The following PUDP variants were observed in gnomAD, a reference collection of about 807,000 sequenced individuals.
PUDP encodes the protein pseudouridine-5'-phosphatase.
Under a neutral mutation model 9.4 loss-of-function variants are expected in PUDP, and 8 were observed. That is an observed-to-expected ratio of 0.85 (90% CI 0.50 to 1.53). The LOEUF (loss-of-function observed/expected upper bound fraction) is 1.53. Ranked by LOEUF, PUDP falls within the 40% of genes most tolerant of loss-of-function variation. The pLI is 0.00. For missense variants in PUDP, 188 were observed against 189.7 expected, an observed-to-expected ratio of 0.99 and a Z score of 0.05; for synonymous variants, 99 against 80.7, an observed-to-expected ratio of 1.23 and a Z score of -1.22.
chrX:6,920,657 T>A (rs1928007943), intron 3 of PUDP, among the ~76,000 whole-genome samples: 1 of 111,466 alleles, frequency 9.0e-6, no homozygotes, highest in Non-Finnish European at 1.9e-5. Flanking sequence ...AGCCCCCCTC[T>A]CTGCTTCAAG....
At chrX:6,831,184 G>A (rs1926499058) in intron 3 of PUDP, among the ~76,000 whole-genome samples, 1 of 111,980 alleles carries the variant, frequency 8.9e-6, no homozygotes, top group Non-Finnish European at 1.9e-5. Context: ...GATCTATCAA[G>A]TGCAGGGTCT....
In PUDP at chrX:6,733,602, A is replaced by T. The variant is rs1016957309; in HGVS notation, c.*248-27136T>A. Among the ~76,000 whole-genome samples, 3 of 109,227 alleles carry T rather than the reference A, an allele frequency of 2.7e-5. No homozygotes were observed. In the Admixed American group the frequency reaches 3.0e-4, roughly 11 times the overall value. 94.9% of individuals were successfully genotyped at this position (109,227 alleles called of 115,157 possible). On this transcript the variant is annotated intron_variant and NMD_transcript_variant, in intron 3 of 3. Coordinates refer to the PUDP transcript ENST00000655425. The stretch of plus-strand genomic sequence containing the variant: ...TGGTATGGGGGAGGCTTCTGCAGGA[A>T]TCCAGAGAGAGATGGTCCATAGCGG...
chrX:7,069,671 G>T (rs151146385), intron 3 of PUDP, among the ~76,000 whole-genome samples: 1,253 of 110,794 alleles, frequency 0.011, 26 homozygotes, highest in African/African-American at 0.039. Flanking sequence ...GAAGGCTTCT[G>T]CACTCCCTTC....
chrX:6,754,808 C>T (rs1368927198), intron 3 of PUDP, among the ~76,000 whole-genome samples: 1 of 110,973 alleles, frequency 9.0e-6, no homozygotes, highest in African/African-American at 3.3e-5. Context: ...AGGGTGTGTT[C>T]ACAGTCATTT....
chrX:7,020,316 C>T (rs1343798724), intron 1 of PUDP, among the ~76,000 whole-genome samples: 1 of 85,228 alleles, frequency 1.2e-5, no homozygotes, highest in African/African-American at 4.4e-5. Flanking sequence ...CATGCTGGGT[C>T]TCCACTCAAC....
intron 3 of PUDP, among the ~76,000 whole-genome samples, chrX:6,959,998 T>C (rs1221493106): frequency 6.2e-5 from 7 of 112,618 alleles, no homozygotes; most frequent in Non-Finnish European, 1.3e-4. Context: ...GGAAAGTAGA[T>C]ATCTTGTTTG....
intron 3 of PUDP, among the ~76,000 whole-genome samples, chrX:6,858,318 C>T (rs759106633): frequency 3.5e-4 from 32 of 92,112 alleles, no homozygotes; most frequent in Admixed American, 3.0e-3. Flanking sequence ...TTTTTTTTTT[C>T]TTTCTTTTTT....
intron 1 of PUDP, among the ~76,000 whole-genome samples, chrX:6,995,301 T>G (rs1244838921): frequency 9.0e-6 from 1 of 111,551 alleles, no homozygotes; most frequent in Non-Finnish European, 1.9e-5. Flanking sequence ...TGAACCTAGG[T>G]ATGACAAGTA....
intron 3 of PUDP, among the ~76,000 whole-genome samples, chrX:6,976,793 G>T (rs1202594324): frequency 8.9e-6 from 1 of 112,002 alleles, no homozygotes; most frequent in African/African-American, 3.2e-5. Context: ...GTCATTTGGA[G>T]ACTTCAACCC....
chrX:7,104,633 T>C (rs1264990731), intron 2 of PUDP, among the ~76,000 whole-genome samples: 1 of 111,860 alleles, frequency 8.9e-6, no homozygotes, highest in Non-Finnish European at 1.9e-5. Flanking sequence ...GGTAACTTCA[T>C]GTGCAAATGG....
intron 3 of PUDP, among the ~76,000 whole-genome samples, chrX:6,964,078 G>T (rs1928746434): frequency 8.9e-6 from 1 of 112,168 alleles, no homozygotes; most frequent in South Asian, 3.7e-4. Flanking sequence ...AATGTGGGTT[G>T]ATATCTTTAT....
intron 3 of PUDP, among the ~76,000 whole-genome samples, chrX:6,733,229 G>A (rs1924832432): frequency 8.9e-6 from 1 of 111,964 alleles, no homozygotes; most frequent in Admixed American, 9.5e-5. Context: ...CGGTATGGGG[G>A]AAAGGAGCAA....
chrX:7,061,192 T>C (rs1930390845), intron 3 of PUDP, among the ~76,000 whole-genome samples: 1 of 111,547 alleles, frequency 9.0e-6, no homozygotes, highest in Non-Finnish European at 1.9e-5. Flanking sequence ...ACTTGTCTGA[T>C]ACTGTGTATG....
At chrX:6,926,249 T>C (rs951640012) in intron 3 of PUDP, among the ~76,000 whole-genome samples, 3 of 111,895 alleles carry the variant, frequency 2.7e-5, no homozygotes, top group Non-Finnish European at 5.6e-5. Context: ...GAAAGTGCTC[T>C]TGAGAAAGCC....
In PUDP at chrX:6,828,735, A is replaced by T. The variant is rs1360269379; in HGVS notation, c.*248-122269T>A. 7.3e-5 allele frequency among the ~76,000 whole-genome samples: 8 copies of T among 109,866 alleles called. No homozygotes were observed. The Admixed American group carries it at 7.8e-4, about 11-fold the overall frequency. On this transcript the variant is annotated intron_variant and NMD_transcript_variant, in intron 3 of 3. Transcript: ENST00000655425. The stretch of plus-strand genomic sequence containing the variant: ...CCTCCCCCTAACTACAGCTCTTTTT[A>T]CTCTCTCCATAGTTTTGCCCTGTCC...
At chrX:7,135,108 G>A (rs185509731) in intron 1 of PUDP, among the ~76,000 whole-genome samples, 1,190 of 111,578 alleles carry the variant, frequency 0.011, 5 homozygotes, top group Non-Finnish European at 0.016. Context: ...CCATCACTCA[G>A]TTCAAGCTCC....
chrX:6,883,440 T>C (rs1262222252), intron 3 of PUDP, among the ~76,000 whole-genome samples: 8 of 103,880 alleles, frequency 7.7e-5, no homozygotes, highest in Admixed American at 6.5e-4. Context: ...GAGAATCACT[T>C]GAAGCTGGGA....
intron 1 of PUDP, among the ~76,000 whole-genome samples, chrX:7,006,858 C>T (rs1929410212): frequency 9.0e-6 from 1 of 111,400 alleles, no homozygotes; most frequent in Non-Finnish European, 1.9e-5. Flanking sequence ...GTGATTCTAA[C>T]ATGCAGAATC....
chrX:6,825,116 G>A (rs1353895002), intron 3 of PUDP, among the ~76,000 whole-genome samples: 1 of 111,736 alleles, frequency 8.9e-6, no homozygotes, highest in Admixed American at 9.5e-5. Flanking sequence ...ATTCAGCCAC[G>A]AGAAATGGGA....
Sources: gnomAD v4.1 joint callset for allele counts (sites outside exome capture counted in the v4.1 genomes callset) on GRCh38, gnomAD v4.1.1 for gene constraint, MANE v1.5 for transcripts, NCBI Gene and HGNC (gene_info 2026-07-23, HGNC 2026-07-21) for gene names.